The following MALRD1 variants were observed in gnomAD, a reference collection of about 807,000 sequenced individuals.
MALRD1 encodes the protein MAM and LDL-receptor class A domain-containing protein 1.
A neutral mutation model predicts 242.1 loss-of-function variants in MALRD1; 247 were observed. The observed-to-expected ratio is 1.02, with a 90% CI of 0.92 to 1.13. The LOEUF (loss-of-function observed/expected upper bound fraction) is 1.13, where lower values mean the gene tolerates loss of function less well. Ranked by LOEUF, MALRD1 falls within the 50% of genes most tolerant of loss-of-function variation. The pLI, the probability that MALRD1 is intolerant of heterozygous loss-of-function variation, is 0.00. For synonymous variants in MALRD1, 995 were observed against 866.6 expected, an observed-to-expected ratio of 1.15 and a Z score of -2.60; for missense variants, 2,989 against 2,533.1, an observed-to-expected ratio of 1.18 and a Z score of -3.86.
chr10:19,638,183 A>T (rs1217677075), intron 36 of MALRD1, among the ~76,000 whole-genome samples: 1 of 151,694 alleles, frequency 6.6e-6, no homozygotes, highest in African/African-American at 2.4e-5. Context: ...ACAAAAGGAC[A>T]GCCAAGGTTT....
chr10:19,270,515 G>C lies in MALRD1; in HGVS notation c.3080-9532G>C, dbSNP rs147270215. The stretch of plus-strand genomic sequence containing the variant: ...GAGCTTAAAAAGGGGAAATCTCCAG[G>C]TGAGAGAAAAAAAGAGAGAGTATTG... On this transcript the variant is annotated intron_variant, in intron 19 of 39. Transcript: ENST00000454679. 2.5e-3 allele frequency among the ~76,000 whole-genome samples: 385 copies of C among 151,998 alleles called. 3 individuals carry two copies. Among genetic ancestry groups the C allele is most frequent in the African/African-American group, 9.0e-3 (371 of 41,444 alleles).
intron 12 of MALRD1, among the ~76,000 whole-genome samples, chr10:19,162,904 G>C (rs960007866): frequency 6.6e-6 from 1 of 152,014 alleles, no homozygotes; most frequent in East Asian, 1.9e-4. Context: ...AGCTGAGGGT[G>C]GGTGGAGTGC....
chr10:19,135,176 A>G (rs977344920), intron 9 of MALRD1, among the ~76,000 whole-genome samples: 1 of 152,166 alleles, frequency 6.6e-6, no homozygotes, highest in Non-Finnish European at 1.5e-5. Flanking sequence ...TTTGTTTGAA[A>G]TGGAGTCTTG....
intron 19 of MALRD1, among the ~76,000 whole-genome samples, chr10:19,277,277 T>C (rs1002701944): frequency 1.1e-4 from 16 of 152,194 alleles, no homozygotes; most frequent in African/African-American, 3.9e-4. Flanking sequence ...ATTTTATATA[T>C]CTGATCTTGG....
At chr10:19,198,221 C>A (rs75655653) in intron 14 of MALRD1, among the ~76,000 whole-genome samples, 2 of 152,090 alleles carry the variant, frequency 1.3e-5, no homozygotes, top group Non-Finnish European at 2.9e-5. Flanking sequence ...GATGCTGACA[C>A]AAGAGGTGAG....
intron 29 of MALRD1, among the ~76,000 whole-genome samples, chr10:19,472,794 G>A (rs1836559521): frequency 6.6e-6 from 1 of 151,258 alleles, no homozygotes; most frequent in Admixed American, 6.6e-5. Context: ...TCTAAGTCTA[G>A]CTAAAGGTTT....
chr10:19,340,988 T>A (rs989936003), intron 24 of MALRD1, among the ~76,000 whole-genome samples: 3 of 152,234 alleles, frequency 2.0e-5, no homozygotes, highest in African/African-American at 7.2e-5. Flanking sequence ...ATACAAAAAA[T>A]TTTACAAAGC....
chr10:19,603,376 T>G (rs1938108977), intron 34 of MALRD1, among the ~76,000 whole-genome samples: 2 of 152,162 alleles, frequency 1.3e-5, no homozygotes, highest in Admixed American at 6.6e-5. Context: ...TTGTATAAGG[T>G]GTAAGGAAGG....
At chr10:19,268,184 G>C (rs1387453343) in intron 19 of MALRD1, among the ~76,000 whole-genome samples, 2 of 127,020 alleles carry the variant, frequency 1.6e-5, no homozygotes, top group Non-Finnish European at 3.3e-5. Context: ...GATGGAAAAT[G>C]TCATTGAATC....
chr10:19,354,579 G>A (rs1219634909), intron 26 of MALRD1, among the ~76,000 whole-genome samples: 1 of 151,940 alleles, frequency 6.6e-6, no homozygotes, highest in Non-Finnish European at 1.5e-5. Context: ...TACCTTTGTG[G>A]GATCATTTTT....
At chr10:19,122,148 A>G (rs1837088108) in intron 5 of MALRD1, among the ~76,000 whole-genome samples, 2 of 152,198 alleles carry the variant, frequency 1.3e-5, no homozygotes, top group Admixed American at 6.5e-5. Context: ...CTTGTCTGAC[A>G]TCTCTAATAA....
intron 33 of MALRD1, among the ~76,000 whole-genome samples, chr10:19,581,380 C>G (rs997891768): frequency 1.3e-4 from 17 of 130,598 alleles, no homozygotes; most frequent in African/African-American, 4.6e-4. Flanking sequence ...TCCCCCCACC[C>G]CACAACAGTC....
intron 35 of MALRD1, among the ~76,000 whole-genome samples, chr10:19,612,961 A>C (rs1294688371): frequency 6.6e-6 from 1 of 152,058 alleles, no homozygotes; most frequent in Non-Finnish European, 1.5e-5. Context: ...ATCACTGCTT[A>C]ACAGGCTACT....
intron 30 of MALRD1, among the ~76,000 whole-genome samples, chr10:19,492,263 A>T (rs1004736838): frequency 1.8e-4 from 28 of 152,144 alleles, no homozygotes; most frequent in African/African-American, 6.3e-4. Context: ...GAAAAAAAGG[A>T]TATTTTTTCC....
chr10:19,331,719 A>C, intron 24 of MALRD1, 137 bp downstream of exon 24: 2 of 663,022 alleles, frequency 3.0e-6, no homozygotes, highest in Non-Finnish European at 5.1e-6. Context: ...AACTTGACAC[A>C]TTCCCTCCTT....
At chr10:19,381,462 G>T (rs980804228) in intron 26 of MALRD1, among the ~76,000 whole-genome samples, 5 of 151,972 alleles carry the variant, frequency 3.3e-5, no homozygotes, top group Non-Finnish European at 7.4e-5. Flanking sequence ...CAAATGTCTT[G>T]TCTCTAAATA....
chr10:19,504,076 A>G (rs1220657686), intron 31 of MALRD1, among the ~76,000 whole-genome samples: 1 of 152,232 alleles, frequency 6.6e-6, no homozygotes, highest in African/African-American at 2.4e-5. Context: ...TTTAAGACAT[A>G]TAGTATTCAA....
intron 24 of MALRD1, among the ~76,000 whole-genome samples, chr10:19,332,381 A>ATATCAGCTG (rs200814521): frequency 0.017 from 2,594 of 152,234 alleles, 36 homozygotes; most frequent in Middle Eastern, 0.054. Flanking sequence ...AAGGAGATAC[A>ATATCAGCTG]TATCAGCTGT....
At chr10:19,669,047 A>T (rs190213110) in intron 36 of MALRD1, among the ~76,000 whole-genome samples, 1 of 152,372 alleles carries the variant, frequency 6.6e-6, no homozygotes, top group African/African-American at 2.4e-5. Flanking sequence ...CATAAAGATT[A>T]TCTGTGAATG....
Sources: allele counts gnomAD v4.1 joint callset (sites outside exome capture counted in the v4.1 genomes callset), GRCh38; gene constraint gnomAD v4.1.1; transcripts MANE v1.5; gene names NCBI Gene and HGNC (gene_info 2026-07-23, HGNC 2026-07-21).